Variants in KCNG2 observed in about 807,000 individuals in gnomAD.
KCNG2 encodes potassium voltage-gated channel modifier subfamily G member 2.
In KCNG2, 7 loss-of-function variants were observed where a neutral mutation model predicts 12.3. The ratio of observed to expected loss-of-function variants is 0.57; its 90% confidence interval spans 0.32 to 1.07. The LOEUF (loss-of-function observed/expected upper bound fraction) is 1.07, where lower values mean the gene tolerates loss of function less well. Ranked by LOEUF, KCNG2 falls within the 50% of genes least tolerant of loss-of-function variation. The pLI is 0.04. For synonymous variants in KCNG2, 414 were observed against 351.4 expected, an observed-to-expected ratio of 1.18 and a Z score of -1.99; for missense variants, 703 against 726.0, an observed-to-expected ratio of 0.97 and a Z score of 0.36.
At chr18:79,894,264 T>TG (rs1980860396) in intron 3 of KCNG2, among the ~76,000 whole-genome samples, 2 of 141,250 alleles carry the variant, frequency 1.4e-5, no homozygotes, top group Non-Finnish European at 3.1e-5. Context: ...GGTCTGCGTC[T>TG]CGTTCGATTA....
rs117038223 is a variant in KCNG2, at chr18:79,856,282, G to A, written c.-114-97G>A. Among the ~76,000 whole-genome samples, 353 of 152,316 alleles carry A rather than the reference G, an allele frequency of 2.3e-3. 8 individuals carry two copies. In the East Asian group the frequency reaches 0.026, roughly 11 times the overall value. On this transcript the variant is annotated intron_variant, in intron 1 of 3. Coordinates refer to ENST00000316249, the MANE Select transcript of KCNG2 (RefSeq NM_012283.2). ...GCAAGCCTGGTGTGTGTGCTCGCGG[G>A]GACTGGAGGGGTGGGGCGTCAGAGC...
At chr18:79,814,739 TA>T (rs1027157108) in intron 1 of KCNG2, among the ~76,000 whole-genome samples, 4 of 152,242 alleles carry the variant, frequency 2.6e-5, no homozygotes, top group African/African-American at 9.6e-5. Flanking sequence ...AACTGCATGT[TA>T]ATCTATTATT....
At chr18:79,835,312 G>T (rs969650312) in intron 1 of KCNG2, among the ~76,000 whole-genome samples, 2 of 152,178 alleles carry the variant, frequency 1.3e-5, no homozygotes, top group Non-Finnish European at 2.9e-5. Context: ...GAAAGATTTC[G>T]AATTTGGTGA....
chr18:79,833,570 A>G (rs538673409), intron 1 of KCNG2, among the ~76,000 whole-genome samples: 5 of 152,380 alleles, frequency 3.3e-5, no homozygotes, highest in African/African-American at 1.2e-4. Flanking sequence ...ATAAGTTCAT[A>G]GAACAAAACC....
intron 3 of KCNG2, among the ~76,000 whole-genome samples, chr18:79,870,677 T>G (rs753756982): frequency 1.3e-5 from 2 of 152,246 alleles, no homozygotes; most frequent in African/African-American, 2.4e-5. Context: ...GCTCTGTGAA[T>G]TGATTTTTTC....
At position 79,822,170 on chromosome 18, in the gene KCNG2, C is replaced by T. The variant is rs927910235; in HGVS notation, c.-115+24156C>T. On this transcript the variant is annotated intron_variant, in intron 1 of 3. Transcript: ENST00000316249. The surrounding 1 kb of genome is among the most constrained non-coding windows in gnomAD (Gnocchi z 4.4). ...GATTTTTAAAAGCTTTTTATTTGAA[C>T]GATTTTTAGACTTATAGGAAAGTTG... Among the ~76,000 whole-genome samples, 2 of 152,104 alleles carry T rather than the reference C, an allele frequency of 1.3e-5. No individual in the cohort carries two copies. Among genetic ancestry groups the T allele is most frequent in the Non-Finnish European group, 2.9e-5 (2 of 68,032 alleles).
At chr18:79,830,860 C>T (rs1978294252) in intron 1 of KCNG2, among the ~76,000 whole-genome samples, 2 of 128,928 alleles carry the variant, frequency 1.6e-5, no homozygotes, top group Non-Finnish European at 1.7e-5. Context: ...ACAGAGCCTT[C>T]GTCAGGAGGG....
At chr18:79,840,900 C>T (rs908682830) in intron 1 of KCNG2, among the ~76,000 whole-genome samples, 1 of 152,094 alleles carries the variant, frequency 6.6e-6, no homozygotes, top group Non-Finnish European at 1.5e-5. Flanking sequence ...TGAATCTTGA[C>T]CTAATCCCAC....
chr18:79,893,733 A>G (rs933056052), intron 3 of KCNG2, among the ~76,000 whole-genome samples: 1 of 150,452 alleles, frequency 6.6e-6, no homozygotes, highest in Non-Finnish European at 1.5e-5. Context: ...TAATGGTACA[A>G]TTGATATAGT....
chr18:79,829,802 G>A (rs748251998), intron 1 of KCNG2, among the ~76,000 whole-genome samples: 16 of 152,232 alleles, frequency 1.1e-4, no homozygotes, highest in Admixed American at 2.6e-4. Context: ...CCTTAAGACA[G>A]GGGCCTTGTG....
intron 1 of KCNG2, among the ~76,000 whole-genome samples, chr18:79,845,959 C>T (rs1978609600): frequency 1.3e-5 from 2 of 152,126 alleles, no homozygotes; most frequent in Non-Finnish European, 2.9e-5. Flanking sequence ...GGCGTAGTGG[C>T]GGGCCCCTGT....
rs1224250005 is a variant in KCNG2 at position 79,822,274 on chromosome 18, T to C, written c.-115+24260T>C. 2.0e-5 allele frequency among the ~76,000 whole-genome samples: 3 copies of C among 152,146 alleles called. No homozygotes were observed. Among genetic ancestry groups the C allele is most frequent in the African/African-American group, 7.2e-5 (3 of 41,440 alleles). On this transcript the variant is annotated intron_variant, in intron 1 of 3. Transcript: ENST00000316249. This position sits in a 1 kb window ranked among gnomAD's most constrained non-coding sequence, Gnocchi z 4.4. ...AATGGTCCAGACCAGGGATTCCCACTGGCCCCGCCCTGGTCACTACTTTAA... is the reference window on the plus strand; with the variant it reads ...AATGGTCCAGACCAGGGATTCCCACCGGCCCCGCCCTGGTCACTACTTTAA...
intron 1 of KCNG2, among the ~76,000 whole-genome samples, chr18:79,831,926 C>G (rs1978298457): frequency 6.6e-6 from 1 of 152,220 alleles, no homozygotes; most frequent in Non-Finnish European, 1.5e-5. Flanking sequence ...AGCTTGGGCT[C>G]TTCTCCTTCG....
chr18:79,830,529 T>G (rs1355003677), intron 1 of KCNG2, among the ~76,000 whole-genome samples: 11 of 152,210 alleles, frequency 7.2e-5, no homozygotes, highest in Admixed American at 6.5e-4. Flanking sequence ...GGAAGGGTGA[T>G]GGAATGTGGG....
chr18:79,885,770 G>T (rs893194840), intron 3 of KCNG2, among the ~76,000 whole-genome samples: 3 of 152,082 alleles, frequency 2.0e-5, no homozygotes, highest in Non-Finnish European at 4.4e-5. Context: ...ACAGGGACAG[G>T]AACATGGGGA....
chr18:79,830,638 A>C (rs1322574593), intron 1 of KCNG2, among the ~76,000 whole-genome samples: 1 of 152,230 alleles, frequency 6.6e-6, no homozygotes, highest in Admixed American at 6.5e-5. Flanking sequence ...CTCCCGAGTG[A>C]TGAGACCCCC....
intron 1 of KCNG2, among the ~76,000 whole-genome samples, chr18:79,838,682 A>C (rs1978373253): frequency 6.6e-6 from 1 of 152,170 alleles, no homozygotes; most frequent in African/African-American, 2.4e-5. Flanking sequence ...AAGTGTTGGG[A>C]TTACAGGCAT....
intron 1 of KCNG2, among the ~76,000 whole-genome samples, chr18:79,841,707 A>T (rs906441424): frequency 2.6e-5 from 4 of 152,254 alleles, no homozygotes; most frequent in Admixed American, 2.6e-4. Flanking sequence ...GAGTGATGTC[A>T]TCAAGATAGC....
At chr18:79,810,114 C>G (rs1476863088) in intron 1 of KCNG2, among the ~76,000 whole-genome samples, 1 of 152,152 alleles carries the variant, frequency 6.6e-6, no homozygotes, top group Non-Finnish European at 1.5e-5. Context: ...CAGCACCCAG[C>G]TGGGCTTCTC....
Sources: allele counts gnomAD v4.1 joint callset (sites outside exome capture counted in the v4.1 genomes callset), GRCh38; gene constraint gnomAD v4.1.1; non-coding constraint Gnocchi (gnomAD v3.1); transcripts MANE v1.5; gene names NCBI Gene and HGNC (gene_info 2026-07-23, HGNC 2026-07-21).